Variants in COL22A1 observed in about 807,000 individuals in gnomAD.
COL22A1 encodes the protein collagen alpha-1(XXII) chain.
In COL22A1, 221 loss-of-function variants were observed where a neutral mutation model predicts 248.9. That is an observed-to-expected ratio of 0.89 (90% CI 0.80 to 0.99). The LOEUF is 0.99. Ranked by LOEUF, COL22A1 falls within the 50% of genes least tolerant of loss-of-function variation. The pLI is 0.00. For missense variants in COL22A1, 2,240 were observed against 2,179.0 expected (o/e 1.03, Z -0.56); for synonymous variants, 891 against 793.4 (o/e 1.12, Z -2.07).
intron 39 of COL22A1, among the ~76,000 whole-genome samples, chr8:138,681,950 A>G (rs1339263370): frequency 6.6e-6 from 1 of 152,210 alleles, no homozygotes; most frequent in Non-Finnish European, 1.5e-5. Flanking sequence ...TACAGAGGTC[A>G]CCTCACCTGC....
intron 18 of COL22A1, 29 bp downstream of exon 18, chr8:138,760,214 G>A (rs1405084610): frequency 1.9e-6 from 3 of 1,544,302 alleles, no homozygotes; most frequent in Admixed American, 2.0e-5. Flanking sequence ...CCAGGGCACA[G>A]AGCCCTTGAC....
At chr8:138,739,172 CA>C (rs1457659391) in intron 22 of COL22A1, among the ~76,000 whole-genome samples, 1 of 152,174 alleles carries the variant, frequency 6.6e-6, no homozygotes, top group East Asian at 1.9e-4. Context: ...TCACATAGAG[CA>C]GAACTTTAAT....
At chr8:138,799,496 C>T (rs1174851913) in intron 11 of COL22A1, among the ~76,000 whole-genome samples, 1 of 152,172 alleles carries the variant, frequency 6.6e-6, no homozygotes, top group African/African-American at 2.4e-5. Flanking sequence ...TATTTGCTCA[C>T]TGACTTGGCT....
At chr8:138,885,652 C>T (rs1824610259) in intron 1 of COL22A1, among the ~76,000 whole-genome samples, 1 of 152,162 alleles carries the variant, frequency 6.6e-6, no homozygotes, top group African/African-American at 2.4e-5. Flanking sequence ...CAACCTCCAC[C>T]TCCTGGGTTC....
chr8:138,828,751 A>AC (rs1819794290), intron 5 of COL22A1, among the ~76,000 whole-genome samples: 1 of 146,700 alleles, frequency 6.8e-6, no homozygotes, highest in Non-Finnish European at 1.5e-5. Context: ...CTCCATCTCA[A>AC]AAAAAAAAAA....
At chr8:138,744,569 G>C (rs1028461179) in intron 22 of COL22A1, among the ~76,000 whole-genome samples, 3 of 152,016 alleles carry the variant, frequency 2.0e-5, no homozygotes, top group Admixed American at 6.5e-5. Context: ...TCATGCCCCA[G>C]GTATAAGTAC....
At chr8:138,740,633 G>A (rs1370765699) in intron 22 of COL22A1, among the ~76,000 whole-genome samples, 1 of 152,214 alleles carries the variant, frequency 6.6e-6, no homozygotes, top group East Asian at 1.9e-4. Context: ...GTATGGGCAA[G>A]TAGGAGGCGC....
intron 23 of COL22A1, among the ~76,000 whole-genome samples, chr8:138,725,892 G>T (rs539536137): frequency 6.6e-6 from 1 of 152,278 alleles, no homozygotes; most frequent in African/African-American, 2.4e-5. Context: ...ATCACCAGGG[G>T]TGAGTAAAAA....
chr8:138,739,008 C>T (rs1235779239), intron 22 of COL22A1, among the ~76,000 whole-genome samples: 1 of 152,170 alleles, frequency 6.6e-6, no homozygotes, highest in Admixed American at 6.5e-5. Flanking sequence ...GCACCATTCT[C>T]TCTCCCCAGA....
chr8:138,816,117 A>G (rs1054970769), intron 7 of COL22A1, among the ~76,000 whole-genome samples: 2 of 152,148 alleles, frequency 1.3e-5, no homozygotes, highest in Non-Finnish European at 2.9e-5. Context: ...TCATTATCAA[A>G]CATACTCGCA....
rs765117772 is a variant in COL22A1 at position 138,594,160 on chromosome 8, T to C, written c.4472A>G (p.Tyr1491Cys). 6.4e-7 allele frequency: 1 copy of C among 1,573,236 alleles called. No homozygotes were observed. Among genetic ancestry groups the C allele is most frequent in the Non-Finnish European group, 8.6e-7 (1 of 1,166,268 alleles). Residue 1491 changes from tyrosine (Y) to cysteine (C), a missense_variant, in exon 63 of 65, where the codon TAC becomes TGC. Transcript: ENST00000303045. ...AGGTCTGCCTTGAGATGACTTCATG[T>C]ACGCCGGGGGCATCTGGGCCAGGAG... ...AYLLAQMPPAYMKSSQGRPGP... is the reference protein window; with the variant it reads ...AYLLAQMPPACMKSSQGRPGP...
chr8:138,708,235 C>T (rs1828645465), intron 30 of COL22A1, among the ~76,000 whole-genome samples: 1 of 152,110 alleles, frequency 6.6e-6, no homozygotes, highest in African/African-American at 2.4e-5. Flanking sequence ...AAATTCAATG[C>T]CATCCCCATC....
chr8:138,659,070 C>T (rs1373342112), intron 44 of COL22A1, among the ~76,000 whole-genome samples: 3 of 152,132 alleles, frequency 2.0e-5, no homozygotes, highest in Admixed American at 6.5e-5. Flanking sequence ...TGGCCTGAAC[C>T]TCACTCTCCC....
intron 54 of COL22A1, 76 bp from the exon 55 acceptor site, chr8:138,616,130 G>A: frequency 1.6e-6 from 2 of 1,217,016 alleles, no homozygotes. Context: ...GGGCACCTGA[G>A]GAGCTGGGAG....
At chr8:138,903,410 T>A (rs760244605) in intron 1 of COL22A1, among the ~76,000 whole-genome samples, 4 of 152,200 alleles carry the variant, frequency 2.6e-5, no homozygotes, top group Non-Finnish European at 5.9e-5. Context: ...GTTTTATGCT[T>A]GGGGTAACAT....
intron 22 of COL22A1, among the ~76,000 whole-genome samples, chr8:138,750,803 G>A (rs952927496): frequency 1.3e-5 from 2 of 152,206 alleles, no homozygotes. Flanking sequence ...CCTGTGCCAG[G>A]TACCTTGGTG....
chr8:138,737,675 T>C (rs113139689), intron 22 of COL22A1, 98 bp from the exon 23 acceptor site: 2 of 766,770 alleles, frequency 2.6e-6, no homozygotes, highest in East Asian at 5.0e-5. Flanking sequence ...TCTTTATTAC[T>C]CTCAACCTCC....
At chr8:138,663,639 A>G (rs779525148) in intron 42 of COL22A1, 66 bp downstream of exon 42, 30 of 1,287,828 alleles carry the variant, frequency 2.3e-5, no homozygotes, top group Non-Finnish European at 3.3e-5. Flanking sequence ...TCCCATTTAA[A>G]ACTGCTTTGA....
intron 32 of COL22A1, among the ~76,000 whole-genome samples, chr8:138,698,881 G>A (rs775146040): frequency 2.0e-5 from 3 of 152,248 alleles, no homozygotes; most frequent in Admixed American, 6.5e-5. Flanking sequence ...TGCCAGAGCG[G>A]AGCAGAGTTA....
Sources: allele counts gnomAD v4.1 joint callset (sites outside exome capture counted in the v4.1 genomes callset), GRCh38; gene constraint gnomAD v4.1.1; transcripts MANE v1.5; gene names NCBI Gene and HGNC (gene_info 2026-07-23, HGNC 2026-07-21).